Variants in PCDHA5 observed in about 807,000 individuals in gnomAD.
PCDHA5 encodes protocadherin alpha-5.
PCDHA5 carries 43 observed loss-of-function variants against 61.6 expected under a neutral mutation model. The observed-to-expected ratio is 0.70, with a 90% CI of 0.55 to 0.90. PCDHA5 has a LOEUF of 0.90. Among genes scored for constraint, PCDHA5 ranks in the 40% least tolerant of loss-of-function variants. PCDHA5 has a pLI of 0.00. For missense variants in PCDHA5, 1,298 were observed against 1,222.7 expected, an observed-to-expected ratio of 1.06 and a Z score of -0.92; for synonymous variants, 627 against 543.9, an observed-to-expected ratio of 1.15 and a Z score of -2.13.
intron 1 of PCDHA5, among the ~76,000 whole-genome samples, chr5:140,879,380 T>C (rs1213546230): frequency 6.6e-6 from 1 of 152,106 alleles, no homozygotes; most frequent in Admixed American, 6.5e-5. Flanking sequence ...CAGAACAAGG[T>C]TGGAGAAACA....
At chr5:140,906,807 A>G (rs2072952420) in intron 1 of PCDHA5, among the ~76,000 whole-genome samples, 1 of 152,004 alleles carries the variant, frequency 6.6e-6, no homozygotes, top group African/African-American at 2.4e-5. Flanking sequence ...ACTCTTCCTT[A>G]CCTCCACTGT....
chr5:140,905,160 A>G (rs1554191931), intron 1 of PCDHA5, among the ~76,000 whole-genome samples: 2 of 152,304 alleles, frequency 1.3e-5, no homozygotes, highest in East Asian at 1.9e-4. Flanking sequence ...TAGAATTTTC[A>G]TGGTTTCAGG....
intron 1 of PCDHA5, chr5:140,930,281 A>G (rs1554207692): frequency 6.6e-6 from 1 of 152,242 alleles, no homozygotes; most frequent in Non-Finnish European, 1.5e-5. Flanking sequence ...TAGGGGACAA[A>G]TACACTTAAC....
chr5:140,849,672 G>C (rs2150444436), intron 1 of PCDHA5: 3 of 1,598,534 alleles, frequency 1.9e-6, no homozygotes, highest in Middle Eastern at 1.7e-4. Flanking sequence ...GACGCCCCAC[G>C]TCCCCTTCAA....
chr5:140,833,929 T>C (rs2150212169), intron 1 of PCDHA5, among the ~76,000 whole-genome samples: 2 of 152,330 alleles, frequency 1.3e-5, no homozygotes, highest in South Asian at 4.1e-4. Context: ...AAATTCATGT[T>C]GTCACTTAGG....
chr5:140,927,972 T>C, intron 1 of PCDHA5: 1 of 1,614,190 alleles, frequency 6.2e-7, no homozygotes, highest in Non-Finnish European at 8.5e-7. Context: ...CAGTGATTGC[T>C]CTCTTTAGTG....
intron 1 of PCDHA5, chr5:140,830,424 C>T (rs1771055440): frequency 6.2e-7 from 1 of 1,613,928 alleles, no homozygotes; most frequent in Non-Finnish European, 8.5e-7. Context: ...AGCCTTTCAC[C>T]TTGTCCTATT....
intron 1 of PCDHA5, chr5:140,835,753 A>C (rs1400734217): frequency 1.9e-6 from 3 of 1,613,298 alleles, no homozygotes; most frequent in Middle Eastern, 3.4e-4. Flanking sequence ...GCGTTCGCGC[A>C]GCCCGAGTAT....
chr5:141,001,378 C>T (rs889628264), intron 3 of PCDHA5, among the ~76,000 whole-genome samples: 20 of 152,166 alleles, frequency 1.3e-4, no homozygotes, highest in African/African-American at 4.8e-4. Flanking sequence ...GATTACAGAG[C>T]CTAAGATCCT....
At chr5:140,858,843 T>C (rs1373810997) in intron 1 of PCDHA5, 2 of 313,860 alleles carry the variant, frequency 6.4e-6, no homozygotes, top group Non-Finnish European at 1.2e-5. Context: ...AAAATTCCAC[T>C]GATCTATATC....
intron 1 of PCDHA5, chr5:140,849,874 A>G: frequency 6.3e-7 from 1 of 1,598,610 alleles, no homozygotes. Flanking sequence ...CAGTCCGAGT[A>G]CACGGTGTTC....
intron 1 of PCDHA5, chr5:140,859,687 T>G (rs1196528150): frequency 1.3e-5 from 2 of 154,650 alleles, no homozygotes; most frequent in Non-Finnish European, 2.9e-5. Flanking sequence ...AAATTAAAAT[T>G]ATTGTTCAAG....
chr5:140,933,999 C>T (rs1399268046), intron 1 of PCDHA5, among the ~76,000 whole-genome samples: 2 of 152,050 alleles, frequency 1.3e-5, no homozygotes, highest in South Asian at 2.1e-4. Context: ...TGTCACCTCT[C>T]ATTTTTCTTG....
chr5:140,869,141 G>T (rs782396331), intron 1 of PCDHA5: 1 of 1,613,314 alleles, frequency 6.2e-7, no homozygotes, highest in African/African-American at 1.3e-5. Flanking sequence ...GGCACCCCAC[G>T]ACTACAGCTC....
chr5:140,980,412 A>G (rs1264059417), intron 2 of PCDHA5, among the ~76,000 whole-genome samples: 4 of 152,302 alleles, frequency 2.6e-5, no homozygotes, highest in Non-Finnish European at 5.9e-5. Flanking sequence ...TGGGCAGATC[A>G]TGAGGTCAAG....
At chr5:140,825,958 C>T (rs2150141967) in intron 1 of PCDHA5, 17 of 152,338 alleles carry the variant, frequency 1.1e-4, no homozygotes, top group African/African-American at 2.7e-4. Context: ...CATTTGTCTA[C>T]TCTTTTGAGG....
chr5:140,967,386 T>TA, intron 1 of PCDHA5: 1 of 1,609,114 alleles, frequency 6.2e-7, no homozygotes, highest in Non-Finnish European at 8.5e-7. Context: ...AGTAAAGTGC[T>TA]TGAGCTGGTG....
At chr5:140,836,651 G>C in intron 1 of PCDHA5, 2 of 1,613,546 alleles carry the variant, frequency 1.2e-6, no homozygotes, top group Non-Finnish European at 1.7e-6. Context: ...AGAGGCGGCA[G>C]AGGGTGTGCT....
intron 1 of PCDHA5, chr5:140,841,554 G>A (rs2150318076): frequency 0.54 from 859,933 of 1,603,294 alleles, 234,437 homozygotes; most frequent in African/African-American, 0.71. Context: ...CTGGAGGTAA[G>A]TCTGCAGAAT....
Sources: allele counts gnomAD v4.1 joint callset (sites outside exome capture counted in the v4.1 genomes callset), GRCh38; gene constraint gnomAD v4.1.1; transcripts MANE v1.5; gene names NCBI Gene and HGNC (gene_info 2026-07-23, HGNC 2026-07-21).